Variants in GPC6 observed in about 807,000 individuals in gnomAD.
GPC6 encodes the protein glypican 6.
In GPC6, 14 loss-of-function variants were observed where a neutral mutation model predicts 55.2. That is an observed-to-expected ratio of 0.25 (90% CI 0.17 to 0.40). The LOEUF (loss-of-function observed/expected upper bound fraction) is 0.40. GPC6 is among the 10% of genes least tolerant of loss of function. The pLI is 1.00. For synonymous variants in GPC6, 278 were observed against 259.6 expected (o/e 1.07, Z -0.68); for missense variants, 641 against 708.5 (o/e 0.90, Z 1.08).
intron 1 of GPC6, among the ~76,000 whole-genome samples, chr13:93,417,463 A>G (rs1278908526): frequency 6.6e-6 from 1 of 152,104 alleles, no homozygotes; most frequent in East Asian, 1.9e-4. Context: ...CCCAGAAACC[A>G]TCATGCAGAG....
In GPC6 at chr13:93,697,141, C is replaced by T. The variant is rs533058786; in HGVS notation, c.320-133013C>T. ...CCTTAGCATGACCTGCAAGGCCCTACTGATAATACCTGGCCCCAGCCTTTC... is the reference window on the plus strand; with the variant it reads ...CCTTAGCATGACCTGCAAGGCCCTATTGATAATACCTGGCCCCAGCCTTTC... On this transcript the variant is annotated intron_variant, in intron 2 of 8. Transcript: ENST00000377047. Among the ~76,000 whole-genome samples the T allele has an allele frequency of 5.3e-5, 8 of 152,236 alleles. No individual in the cohort carries two copies. The South Asian group carries it at 1.7e-3, about 32-fold the overall frequency.
chr13:93,853,358 T>C (rs1189691079), intron 3 of GPC6, among the ~76,000 whole-genome samples: 1 of 151,664 alleles, frequency 6.6e-6, no homozygotes, highest in African/African-American at 2.4e-5. Context: ...AAAATCAGTT[T>C]ATTATCATAT....
At chr13:93,955,754 A>T (rs1191972147) in intron 3 of GPC6, among the ~76,000 whole-genome samples, 1 of 152,156 alleles carries the variant, frequency 6.6e-6, no homozygotes, top group Non-Finnish European at 1.5e-5. Flanking sequence ...GGGTAGGGTA[A>T]CTGTTTTACT....
At chr13:94,274,931 G>A (rs1037528009) in intron 4 of GPC6, among the ~76,000 whole-genome samples, 3 of 151,990 alleles carry the variant, frequency 2.0e-5, no homozygotes, top group African/African-American at 7.3e-5. Flanking sequence ...GCCACCAAGG[G>A]GCCATTTATC....
chr13:94,177,344 C>T (rs186233911), intron 4 of GPC6, among the ~76,000 whole-genome samples: 39 of 152,052 alleles, frequency 2.6e-4, no homozygotes, highest in Admixed American at 7.2e-4. Context: ...GTGTCAACCA[C>T]CAAGATAAAG....
At chr13:93,969,536 C>T (rs1336171155) in intron 3 of GPC6, among the ~76,000 whole-genome samples, 1 of 152,148 alleles carries the variant, frequency 6.6e-6, no homozygotes, top group African/African-American at 2.4e-5. Context: ...CTCCCTGTTA[C>T]TCTTTGCTCC....
At chr13:93,889,549 T>C (rs9524267) in intron 3 of GPC6, among the ~76,000 whole-genome samples, 35,781 of 151,988 alleles carry the variant, frequency 0.24, 4,746 homozygotes, top group East Asian at 0.35. Flanking sequence ...ATATGGGTTT[T>C]CCCCCATTTA....
At chr13:93,568,742 A>G (rs1327022551) in intron 2 of GPC6, among the ~76,000 whole-genome samples, 4 of 152,204 alleles carry the variant, frequency 2.6e-5, no homozygotes, top group Non-Finnish European at 2.9e-5. Flanking sequence ...CTGGCATACT[A>G]AAAGAAGATG....
rs543837057 is a variant in GPC6 at position 94,397,065 on chromosome 13, C to T, written c.1290-1401C>T. On this transcript the variant is annotated intron_variant, in intron 7 of 8. Transcript: ENST00000377047. ...CCTGGTAGTTATTGGACATTAGCTA[C>T]TATCCTCAAAAGTTTTTAAAGAGAA... Among the ~76,000 whole-genome samples, 5 of 152,218 alleles carry T rather than the reference C, an allele frequency of 3.3e-5. No homozygotes were observed. The South Asian group carries it at 1.0e-3, about 32-fold the overall frequency.
intron 4 of GPC6, among the ~76,000 whole-genome samples, chr13:94,043,336 A>G (rs1883609294): frequency 6.6e-6 from 1 of 151,828 alleles, no homozygotes; most frequent in African/African-American, 2.4e-5. Flanking sequence ...CATACTGACA[A>G]TTTATATTTA....
intron 1 of GPC6, among the ~76,000 whole-genome samples, chr13:93,391,481 G>A (rs1158062093): frequency 6.6e-6 from 1 of 152,152 alleles, no homozygotes; most frequent in African/African-American, 2.4e-5. Flanking sequence ...ATAAATCCAC[G>A]ACTTGGTTGT....
chr13:93,230,972 TA>T (rs1407358751), intron 1 of GPC6, among the ~76,000 whole-genome samples: 1 of 152,150 alleles, frequency 6.6e-6, no homozygotes, highest in East Asian at 1.9e-4. Flanking sequence ...TTTCATTACT[TA>T]TGTAATGTGA....
At chr13:93,885,067 G>T (rs1200290152) in intron 3 of GPC6, among the ~76,000 whole-genome samples, 1 of 152,026 alleles carries the variant, frequency 6.6e-6, no homozygotes, top group African/African-American at 2.4e-5. Flanking sequence ...GGCATTGAGA[G>T]ATTAAAAAGT....
chr13:93,690,858 AT>A (rs1020710122), intron 2 of GPC6, among the ~76,000 whole-genome samples: 21 of 152,034 alleles, frequency 1.4e-4, no homozygotes, highest in Admixed American at 1.1e-3. Context: ...TATCTGCAGC[AT>A]TTTTTTCTTT....
intron 6 of GPC6, among the ~76,000 whole-genome samples, chr13:94,332,398 A>G (rs1207247795): frequency 1.3e-5 from 2 of 152,248 alleles, no homozygotes; most frequent in African/African-American, 4.8e-5. Flanking sequence ...AAAAGAACAA[A>G]AGAAAGATAC....
chr13:93,803,284 A>G (rs1244648930), intron 2 of GPC6, among the ~76,000 whole-genome samples: 1 of 152,218 alleles, frequency 6.6e-6, no homozygotes, highest in African/African-American at 2.4e-5. Context: ...AAAATGGGCA[A>G]ATGACTTGAA....
chr13:93,658,817 G>C (rs925561472), intron 2 of GPC6, among the ~76,000 whole-genome samples: 10 of 151,644 alleles, frequency 6.6e-5, no homozygotes, highest in Non-Finnish European at 1.3e-4. Context: ...GTTCATGAAG[G>C]ATGTAGGTCA....
intron 2 of GPC6, among the ~76,000 whole-genome samples, chr13:93,824,273 C>T (rs1277159262): frequency 6.6e-6 from 1 of 152,168 alleles, no homozygotes; most frequent in Non-Finnish European, 1.5e-5. Context: ...AATACTTGAG[C>T]AAAGCCTCAA....
chr13:93,716,117 T>G (rs1021462932), intron 2 of GPC6, among the ~76,000 whole-genome samples: 7 of 151,680 alleles, frequency 4.6e-5, no homozygotes, highest in African/African-American at 1.7e-4. Context: ...AAACTTACTC[T>G]GCTGCCAGTT....
Sources: allele counts gnomAD v4.1 joint callset (sites outside exome capture counted in the v4.1 genomes callset), GRCh38; gene constraint gnomAD v4.1.1; transcripts MANE v1.5; gene names NCBI Gene and HGNC (gene_info 2026-07-23, HGNC 2026-07-21).